The following ARHGEF12 variants were observed in gnomAD, a reference collection of about 807,000 sequenced individuals.
The protein encoded by ARHGEF12 is KMT2A/ARHGEF12 fusion protein.
In ARHGEF12, 66 loss-of-function variants were observed where a neutral mutation model predicts 211.2. The observed-to-expected ratio is 0.31, with a 90% confidence interval of 0.26 to 0.38. ARHGEF12 has a LOEUF of 0.38. ARHGEF12 is among the 10% of genes least tolerant of loss of function. The pLI, the probability that ARHGEF12 is intolerant of heterozygous loss-of-function variation, is 1.00. For missense variants in ARHGEF12, 1,429 were observed against 1,869.5 expected, an observed-to-expected ratio of 0.76 and a Z score of 4.34; for synonymous variants, 592 against 638.4, an observed-to-expected ratio of 0.93 and a Z score of 1.09.
chr11:120,391,552 A>C (rs1035974201), intron 1 of ARHGEF12, among the ~76,000 whole-genome samples: 8 of 152,204 alleles, frequency 5.3e-5, no homozygotes, highest in Non-Finnish European at 1.2e-4. Flanking sequence ...CTCTGTGAAA[A>C]GCCCTGACAT....
chr11:120,446,499 A>G lies in ARHGEF12; in HGVS notation c.1442A>G (p.Glu481Gly). ...RVHPEVQRHLEDFRQKRSMGL... is the reference protein window; with the variant it reads ...RVHPEVQRHLGDFRQKRSMGL... ...CATCCAGAAGTTCAAAGGCACTTAG[A>G]AGATTTTCGGTAAGCTTAGTGGTAG... The change falls in exon 17 of 41, where the codon GAA becomes GGA. Residue 481 changes from glutamate to glycine, a missense_variant. Transcript: ENST00000397843. 1 of 1,611,312 alleles carries G rather than the reference A, an allele frequency of 6.2e-7. No homozygotes were observed. Among genetic ancestry groups the G allele is most frequent in the Non-Finnish European group, 8.5e-7 (1 of 1,178,834 alleles).
At chr11:120,358,468 A>C (rs1943189058) in intron 1 of ARHGEF12, among the ~76,000 whole-genome samples, 2 of 152,158 alleles carry the variant, frequency 1.3e-5, no homozygotes, top group Admixed American at 6.6e-5. Context: ...AAGATGGAGA[A>C]GAGAACAGAC....
At chr11:120,344,099 C>T (rs148956389) in intron 1 of ARHGEF12, among the ~76,000 whole-genome samples, 1 of 151,744 alleles carries the variant, frequency 6.6e-6, no homozygotes, top group African/African-American at 2.4e-5. Context: ...AACCCTGTCT[C>T]TATTAAAAAT....
chr11:120,379,044 G>A (rs1169082233), intron 1 of ARHGEF12, among the ~76,000 whole-genome samples: 1 of 152,122 alleles, frequency 6.6e-6, no homozygotes, highest in Non-Finnish European at 1.5e-5. Flanking sequence ...AGAATGTGGA[G>A]AATTGACATC....
At chr11:120,440,287 A>G (rs763715851) in intron 13 of ARHGEF12, 66 bp downstream of exon 13, 14 of 1,290,696 alleles carry the variant, frequency 1.1e-5, no homozygotes, top group Non-Finnish European at 1.2e-5. Context: ...TGTTGCAAAA[A>G]TGAGCACGTT....
Position 120,337,170 on chromosome 11 carries a change from C to T in ARHGEF12, c.-74C>T. 1.3e-6 allele frequency: 2 copies of T among 1,578,906 alleles called. No individual in the cohort carries two copies. The highest frequency in any genetic ancestry group is 1.7e-6 in the Non-Finnish European group (2 of 1,148,306). On this transcript the variant is annotated 5_prime_UTR_variant, in exon 1 of 41. Transcript: ENST00000397843. ...GACGGAGTTGGGCCTGATCCCAGAG[C>T]ACTGGGGGTGGGGAGGAGGTGTTAC...
intron 27 of ARHGEF12, chr11:120,464,996 A>G (rs1019107596): frequency 7.3e-5 from 34 of 465,178 alleles, no homozygotes; most frequent in African/African-American, 5.9e-4. Flanking sequence ...ACAGAGCAAC[A>G]CTGTCTCAAA....
chr11:120,472,004 G>A (rs1289382151), intron 30 of ARHGEF12, among the ~76,000 whole-genome samples: 9 of 152,108 alleles, frequency 5.9e-5, no homozygotes, highest in South Asian at 2.1e-4. Flanking sequence ...TCAGTAAGGC[G>A]TAATGAAATA....
intron 5 of ARHGEF12, 115 bp from the exon 6 acceptor site, chr11:120,421,688 G>A (rs1945197351): frequency 9.0e-6 from 8 of 887,328 alleles, no homozygotes; most frequent in South Asian, 1.5e-5. Context: ...CGCCCGCCTC[G>A]GCCTCCCAAA....
At chr11:120,382,555 C>T (rs753410640) in intron 1 of ARHGEF12, among the ~76,000 whole-genome samples, 1 of 152,220 alleles carries the variant, frequency 6.6e-6, no homozygotes, top group Non-Finnish European at 1.5e-5. Context: ...TTCGCTGGTA[C>T]AGCTTTAGCT....
chr11:120,349,890 A>G (rs1195168164), intron 1 of ARHGEF12, among the ~76,000 whole-genome samples: 1 of 152,118 alleles, frequency 6.6e-6, no homozygotes, highest in Non-Finnish European at 1.5e-5. Flanking sequence ...TATCTTTTAT[A>G]TTTCAGGCTA....
rs147312529 is a variant in ARHGEF12, at chr11:120,418,808, C to T, written c.200-1945C>T. Among the ~76,000 whole-genome samples, 590 of 152,218 alleles carry T rather than the reference C, an allele frequency of 3.9e-3. 3 individuals carry two copies. Among genetic ancestry groups the T allele is most frequent in the Middle Eastern group, 0.01 (3 of 294 alleles). ...AAGCACCTTTACATGTGCTTATTGG[C>T]CATTGGTCTATCTTTGTAATGTGTT... On this transcript the variant is annotated intron_variant, in intron 4 of 40. Transcript: ENST00000397843.
intron 1 of ARHGEF12, among the ~76,000 whole-genome samples, chr11:120,347,175 C>CTTTCTTTCTTTCTTTCTTT (rs1565417173): frequency 4.8e-5 from 3 of 62,138 alleles, no homozygotes; most frequent in Non-Finnish European, 1.1e-4. Flanking sequence ...TTCCTTCCTT[C>CTTTCTTTCTTTCTTTCTTT]CTTCCTTCCT....
chr11:120,403,273 A>G (rs897713384), intron 1 of ARHGEF12, among the ~76,000 whole-genome samples: 1 of 152,152 alleles, frequency 6.6e-6, no homozygotes, highest in Non-Finnish European at 1.5e-5. Flanking sequence ...TTGGGAGGCC[A>G]AGGCAGGCTG....
intron 22 of ARHGEF12, among the ~76,000 whole-genome samples, chr11:120,456,767 A>G (rs917491481): frequency 6.6e-6 from 1 of 152,126 alleles, no homozygotes; most frequent in Non-Finnish European, 1.5e-5. Context: ...GCCAAGGCGA[A>G]AGGATTGCTT....
chr11:120,463,721 T>C (rs757861333), intron 27 of ARHGEF12: 1 of 152,086 alleles, frequency 6.6e-6, no homozygotes, highest in African/African-American at 2.4e-5. Context: ...AATACAAAAT[T>C]GGAGTGACCT....
chr11:120,468,494 G>A (rs1946772602), intron 29 of ARHGEF12, among the ~76,000 whole-genome samples: 1 of 152,182 alleles, frequency 6.6e-6, no homozygotes, highest in Admixed American at 6.5e-5. Context: ...TGTCGCCCAG[G>A]CTGGAGTGAA....
At chr11:120,347,485 A>G (rs1158516467) in intron 1 of ARHGEF12, among the ~76,000 whole-genome samples, 2 of 152,110 alleles carry the variant, frequency 1.3e-5, no homozygotes, top group African/African-American at 4.8e-5. Flanking sequence ...GGAGAAGAAC[A>G]TCAGAATCAT....
At chr11:120,351,800 G>T (rs1285030663) in intron 1 of ARHGEF12, among the ~76,000 whole-genome samples, 2 of 151,994 alleles carry the variant, frequency 1.3e-5, no homozygotes, top group Non-Finnish European at 2.9e-5. Context: ...TACATATTAA[G>T]TACTGCTCAC....
Sources: allele counts gnomAD v4.1 joint callset (sites outside exome capture counted in the v4.1 genomes callset), GRCh38; gene constraint gnomAD v4.1.1; transcripts MANE v1.5; gene names NCBI Gene and HGNC (gene_info 2026-07-23, HGNC 2026-07-21).